CBL: variants seen among roughly 807,000 people sequenced by gnomAD.
The protein encoded by CBL is E3 ubiquitin-protein ligase CBL.
CBL carries 45 observed loss-of-function variants against 96.9 expected under a neutral mutation model. The ratio of observed to expected loss-of-function variants is 0.46; its 90% CI spans 0.37 to 0.60. The LOEUF is 0.60. Among genes scored for constraint, CBL ranks in the 20% least tolerant of loss-of-function variants. The pLI, the probability that CBL is intolerant of heterozygous loss-of-function variation, is 0.00. For synonymous variants in CBL, 420 were observed against 426.8 expected, an observed-to-expected ratio of 0.98 and a Z score of 0.20; for missense variants, 1,024 against 1,143.5, an observed-to-expected ratio of 0.90 and a Z score of 1.51.
At position 119,278,426 on chromosome 11, in the gene CBL, A is replaced by G. The variant is rs137870314; in HGVS notation, c.1228-84A>G. On this transcript the variant is annotated intron_variant, in intron 8 of 15. Transcript: ENST00000264033. ...AGGTTTAAACTTTTACTTTTTTTTG[A>G]TCTCTAGGAAATGTATTTTCTAGTA... The G allele has an allele frequency of 7.2e-4, 1,107 of 1,534,988 alleles. 12 individuals are homozygous for G. The African/African-American group carries it at 0.011, about 15-fold the overall frequency.
chr11:119,276,008 G>A lies in CBL; in HGVS notation c.881G>A (p.Arg294Gln), dbSNP rs1455235474. Residue 294 changes from arginine to glutamine, a missense_variant, in exon 6 of 16, where the codon CGG (arginine) becomes CAG (glutamine). This residue lies in a region of CBL where 192 missense variants were observed against 321.8 expected (regional missense o/e 0.60). Coordinates refer to ENST00000264033, the MANE Select transcript of CBL (RefSeq NM_005188.4). ...ATGTCTGTTCATAGTTATATCTTCC[G>A]GCTGAGCTGTACTCGTCTGGGTCAG... ...FIHKPGSYIF[R>Q]LSCTRLGQWA... 7 of 1,613,984 alleles carry A rather than the reference G, an allele frequency of 4.3e-6. No homozygotes were observed. Among genetic ancestry groups the A allele is most frequent in the South Asian group, 1.1e-5 (1 of 91,080 alleles).
rs1393141231 is a variant in CBL at position 119,305,028 on chromosome 11, C to T, written c.*5247C>T. 4.7e-6 allele frequency: 1 copy of T among 214,766 alleles called. No individual in the cohort carries two copies. Among genetic ancestry groups the T allele is most frequent in the Non-Finnish European group, 9.4e-6 (1 of 106,472 alleles). 13.3% of individuals were successfully genotyped at this position (214,766 alleles called of 1,614,324 possible). On this transcript the variant is annotated 3_prime_UTR_variant, in exon 16 of 16. Coordinates refer to ENST00000264033, the MANE Select transcript of CBL (RefSeq NM_005188.4). Reference sequence around the variant, plus strand: ...CCAGGGAGAGCAGAGATGTGGCAGGCTCCTTCAGCTGGAGACAGGGAGCTT... The same window carrying T: ...CCAGGGAGAGCAGAGATGTGGCAGGTTCCTTCAGCTGGAGACAGGGAGCTT...
In CBL at chr11:119,303,161, C is replaced by T. The variant is rs1484168538; in HGVS notation, c.*3380C>T. The T allele has an allele frequency of 4.3e-6, 1 of 230,946 alleles. No individual in the cohort carries two copies. Among genetic ancestry groups the T allele is most frequent in the East Asian group, 6.2e-5 (1 of 16,174 alleles). 14.3% of individuals were successfully genotyped at this position (230,946 alleles called of 1,614,324 possible). Reference sequence around the variant, plus strand: ...AAAACTAGGGACCATCTATATATTCCCTTTAAGATCTAGTTCTTTTTGTAG... The same window carrying T: ...AAAACTAGGGACCATCTATATATTCTCTTTAAGATCTAGTTCTTTTTGTAG... On this transcript the variant is annotated 3_prime_UTR_variant, in exon 16 of 16. Coordinates refer to ENST00000264033, the MANE Select transcript of CBL (RefSeq NM_005188.4).
At chr11:119,238,621 G>GGAGTTT (rs1209396681) in intron 2 of CBL, among the ~76,000 whole-genome samples, 2 of 152,114 alleles carry the variant, frequency 1.3e-5, no homozygotes, top group Non-Finnish European at 2.9e-5. Context: ...CCTGAGATCA[G>GGAGTTT]GAGTTTGAGA....
chr11:119,243,387 A>G (rs544044212), intron 2 of CBL, among the ~76,000 whole-genome samples: 13 of 152,174 alleles, frequency 8.5e-5, no homozygotes, highest in African/African-American at 2.9e-4. Flanking sequence ...GCTGGTCTCA[A>G]GTGATATGCC....
At chr11:119,218,271 T>C (rs1430311313) in intron 1 of CBL, among the ~76,000 whole-genome samples, 1 of 152,114 alleles carries the variant, frequency 6.6e-6, no homozygotes, top group Non-Finnish European at 1.5e-5. Flanking sequence ...CTCTATGCTA[T>C]AGAGTCACTG....
chr11:119,258,595 A>C (rs1592390467), intron 2 of CBL, among the ~76,000 whole-genome samples: 2 of 152,240 alleles, frequency 1.3e-5, no homozygotes, highest in Middle Eastern at 6.8e-3. Flanking sequence ...TCAACATGAG[A>C]TTTAGGTGGG....
At chr11:119,249,279 G>A (rs1229913537) in intron 2 of CBL, among the ~76,000 whole-genome samples, 1 of 152,172 alleles carries the variant, frequency 6.6e-6, no homozygotes, top group Non-Finnish European at 1.5e-5. Context: ...TTTTCGACTG[G>A]GCGTGGAGGT....
At chr11:119,269,097 G>A (rs1395078544) in intron 2 of CBL, among the ~76,000 whole-genome samples, 1 of 152,048 alleles carries the variant, frequency 6.6e-6, no homozygotes, top group African/African-American at 2.4e-5. Flanking sequence ...TTTCTTTCAC[G>A]TTACCTATTT....
chr11:119,277,731 A>G, intron 6 of CBL, 26 bp from the exon 7 acceptor site: 1 of 1,560,636 alleles, frequency 6.4e-7, no homozygotes, highest in South Asian at 1.1e-5. Context: ...GCTTAAATAA[A>G]ACCCAGGGTT....
At chr11:119,238,178 T>C (rs1949559155) in intron 2 of CBL, among the ~76,000 whole-genome samples, 1 of 151,212 alleles carries the variant, frequency 6.6e-6, no homozygotes, top group Admixed American at 6.6e-5. Flanking sequence ...CCCTTGAATT[T>C]CTGCATGAAT....
intron 2 of CBL, among the ~76,000 whole-genome samples, chr11:119,267,265 G>A (rs185215141): frequency 2.6e-5 from 4 of 152,252 alleles, no homozygotes; most frequent in Admixed American, 2.0e-4. Context: ...TTGATTTCCC[G>A]TAACAGTTTC....
intron 2 of CBL, among the ~76,000 whole-genome samples, chr11:119,256,701 T>TA (rs1468658284): frequency 6.8e-6 from 1 of 146,786 alleles, no homozygotes; most frequent in Non-Finnish European, 1.5e-5. Context: ...TTTTTTTTTT[T>TA]AATCCCTCCC....
chr11:119,243,885 T>A (rs1427975630), intron 2 of CBL, among the ~76,000 whole-genome samples: 2 of 152,032 alleles, frequency 1.3e-5, no homozygotes, highest in Admixed American at 1.3e-4. Context: ...TGTACCACCA[T>A]GCCTGGCTCG....
At chr11:119,279,481 A>C (rs1592401747) in intron 9 of CBL, among the ~76,000 whole-genome samples, 1 of 132,308 alleles carries the variant, frequency 7.6e-6, no homozygotes, top group African/African-American at 3.3e-5. Flanking sequence ...CACTGCCCCC[A>C]TGCCCCCCCC....
Position 119,305,946 on chromosome 11 carries a change from G to C in CBL, c.*6165G>C, listed in dbSNP as rs1003631597. The C allele has an allele frequency of 3.6e-6, 1 of 281,582 alleles. No individual in the cohort carries two copies. Among genetic ancestry groups the C allele is most frequent in the African/African-American group, 2.1e-5 (1 of 46,684 alleles). The allele number at this position is 281,582 out of a possible 1,614,324, so 17.4% of individuals were successfully genotyped here. ...AAAGATGTCCATCAAGGGAGGAAGG[G>C]TGGGTCATCAGACTTTGCCTTTGAT... is the stretch of plus-strand genomic sequence containing the variant. On this transcript the variant is annotated 3_prime_UTR_variant, in exon 16 of 16. Transcript: ENST00000264033.
intron 6 of CBL, among the ~76,000 whole-genome samples, chr11:119,277,170 C>G (rs1291920157): frequency 6.6e-6 from 1 of 150,772 alleles, no homozygotes; most frequent in Non-Finnish European, 1.5e-5. Context: ...TCACTTGAAT[C>G]CAGGAGGCGG....
chr11:119,235,930 A>T (rs1949542484), intron 2 of CBL, among the ~76,000 whole-genome samples: 1 of 152,140 alleles, frequency 6.6e-6, no homozygotes, highest in Non-Finnish European at 1.5e-5. Context: ...CAAGGAGTTC[A>T]TTTTTTCAAT....
intron 9 of CBL, among the ~76,000 whole-genome samples, chr11:119,279,493 A>G (rs1377068255): frequency 1.7e-5 from 1 of 57,554 alleles, no homozygotes; most frequent in Non-Finnish European, 2.9e-5. Flanking sequence ...GCCCCCCCCT[A>G]AAAAAAAAAA....
Sources: allele counts gnomAD v4.1 joint callset (sites outside exome capture counted in the v4.1 genomes callset), GRCh38; gene constraint gnomAD v4.1.1; regional missense constraint gnomAD v4.1.1; transcripts MANE v1.5; gene names NCBI Gene and HGNC (gene_info 2026-07-23, HGNC 2026-07-21).